The following ATN1 variants were observed in gnomAD, a reference collection of about 807,000 sequenced individuals.
ATN1 encodes the protein atrophin-1.
Under a neutral mutation model 85.8 loss-of-function variants are expected in ATN1, and 19 were observed. That is an observed-to-expected ratio of 0.22 (90% CI 0.15 to 0.32). The LOEUF (loss-of-function observed/expected upper bound fraction) is 0.32. Among genes scored for constraint, ATN1 ranks in the 10% least tolerant of loss-of-function variants. The pLI, the probability that ATN1 is intolerant of heterozygous loss-of-function variation, is 1.00. For missense variants in ATN1, 1,453 were observed against 1,564.5 expected (o/e 0.93, Z 1.20); for synonymous variants, 674 against 657.0 (o/e 1.03, Z -0.39).
Position 6,937,361 on chromosome 12 carries a change from A to C in ATN1, c.2094A>C (p.Pro698=). Reference sequence around the variant, plus strand: ...CCACCGTGGGACCTGGGCCCCTGCCACCTGCGGGGCCCTCAGGCCTGCCAT... The same window carrying C: ...CCACCGTGGGACCTGGGCCCCTGCCCCCTGCGGGGCCCTCAGGCCTGCCAT... ...GSPTVGPGPL[P]PAGPSGLPSL... is the part of the protein sequence containing the mutation. Residue 698 remains proline (P), a synonymous_variant, in exon 5 of 10, where the codon CCA becomes CCC. Coordinates refer to ENST00000396684, the MANE Select transcript of ATN1 (RefSeq NM_001940.4). This position sits in a 1 kb window ranked among gnomAD's most constrained non-coding sequence, Gnocchi z 6.0. The C allele has an allele frequency of 6.4e-7, 1 of 1,551,194 alleles. No individual in the cohort carries two copies. The highest frequency in any genetic ancestry group is 1.4e-5 in the African/African-American group (1 of 73,070).
Position 6,934,509 on chromosome 12 carries a change from G to A in ATN1, c.210G>A (p.Gln70=). ...CCTCCACCCCAAAGGTCAACAAGCA[G>A]GGTCGGAGTGAGGAGATCTCAGAGA... ...EEASTPKVNK[Q]GRSEEISESE... Residue 70 remains glutamine (Q), a synonymous_variant, in exon 4 of 10, where the codon CAG becomes CAA. Coordinates refer to ENST00000396684, the MANE Select transcript of ATN1 (RefSeq NM_001940.4). This position sits in a 1 kb window ranked among gnomAD's most constrained non-coding sequence, Gnocchi z 4.5. The A allele has an allele frequency of 6.3e-7, 1 of 1,588,858 alleles. No individual in the cohort carries two copies. The highest frequency in any genetic ancestry group is 8.6e-7 in the Non-Finnish European group (1 of 1,167,046).
chr12:6,926,432 C>T (rs1263649765), upstream of ATN1, among the ~76,000 whole-genome samples: 1 of 152,054 alleles, frequency 6.6e-6, no homozygotes, highest in African/African-American at 2.4e-5. Flanking sequence ...CCCCCGCTCC[C>T]ACATCTGTCA....
chr12:6,938,864 C>A lies in ATN1; in HGVS notation c.2901C>A (p.Gly967=), dbSNP rs1555144285. 1 of 1,614,144 alleles carries A rather than the reference C, an allele frequency of 6.2e-7. No homozygotes were observed. Among genetic ancestry groups the A allele is most frequent in the Non-Finnish European group, 8.5e-7 (1 of 1,180,020 alleles). ...CCCTACATGGGGTCCCTGGGCCGGG[C>A]TTGGATCCCTTTCCCCGACATGGGG... The part of the protein sequence containing the change: ...LEPLHGVPGP[G]LDPFPRHGGL... The change falls in exon 7 of 10, where the codon GGC becomes GGA. Residue 967 remains glycine, a synonymous_variant. Transcript: ENST00000396684.
chr12:6,927,566 T>G (rs1333377900), upstream of ATN1, among the ~76,000 whole-genome samples: 2 of 143,654 alleles, frequency 1.4e-5, no homozygotes, highest in Non-Finnish European at 3.0e-5. Flanking sequence ...CTCCCCACAT[T>G]CCGCCACGGC....
At position 6,933,947 on chromosome 12, in the gene ATN1, G is replaced by GT. The variant is rs1945497085; in HGVS notation, c.-52dup. ...GGGGAACTTGGGGTGGAGCAGAGAA[G>GT]TTTCTGTATTCAGCTGCCCAGGCAG... On this transcript the variant is annotated 5_prime_UTR_variant, in exon 2 of 10. Coordinates refer to ENST00000396684, the MANE Select transcript of ATN1 (RefSeq NM_001940.4). The GT allele has an allele frequency of 2.0e-5, 31 of 1,574,358 alleles. No individual in the cohort carries two copies. In the South Asian group the frequency reaches 3.6e-4, roughly 18 times the overall value.
intron 1 of ATN1, among the ~76,000 whole-genome samples, chr12:6,930,601 C>T (rs1335916590): frequency 6.6e-6 from 1 of 152,112 alleles, no homozygotes; most frequent in Non-Finnish European, 1.5e-5. Flanking sequence ...TGAGACCATC[C>T]TGGCTAACAC....
Position 6,936,005 on chromosome 12 carries a change from C to T in ATN1, c.738C>T (p.Gly246=). The part of the protein sequence containing the change: ...KGGGAASSVG[G]PNGGKQHPPP... Reference sequence around the variant, plus strand: ...GAGGGGCTGCCTCATCAGTGGGGGGCCCTAATGGGGGTAAGCAGCACCCCC... The same window carrying T: ...GAGGGGCTGCCTCATCAGTGGGGGGTCCTAATGGGGGTAAGCAGCACCCCC... Residue 246 remains glycine, a synonymous_variant, in exon 5 of 10, where the codon GGC becomes GGT. Transcript: ENST00000396684. 1 of 1,587,868 alleles carries T rather than the reference C, an allele frequency of 6.3e-7. No homozygotes were observed. Among genetic ancestry groups the T allele is most frequent in the Non-Finnish European group, 8.6e-7 (1 of 1,167,000 alleles).
In ATN1 at chr12:6,936,877, G is replaced by T. The variant is rs781792423; in HGVS notation, c.1610G>T (p.Gly537Val). Reference protein sequence around the residue: ...AHPYAMSPSLGSLRPYPPGPA... With the variant: ...AHPYAMSPSLVSLRPYPPGPA... ...CCTTACGCCATGTCTCCCTCCCTGG[G>T]GTCTCTGAGGCCCTACCCACCAGGG... Residue 537 changes from glycine (G) to valine (V), a missense_variant, in exon 5 of 10, where the codon GGG becomes GTG. Physicochemically the swap from Gly to Val is moderately radical, Grantham distance 109. Around this residue, in one of 6 missense-constraint regions of ATN1, gnomAD observed 990 missense variants for 914.8 expected, o/e 1.08. Transcript: ENST00000396684. 1 of 1,613,956 alleles carries T rather than the reference G, an allele frequency of 6.2e-7. No individual in the cohort carries two copies. Among genetic ancestry groups the T allele is most frequent in the South Asian group, 1.1e-5 (1 of 91,070 alleles).
rs782012406 is a variant in ATN1 at position 6,941,048 on chromosome 12, A to G, written c.3358+25A>G. ...GGTAAGGATGGAAGTTGGGGTAGGC[A>G]GCTCCAATGAGAAAAGGGCAGAAAG... On this transcript the variant is annotated intron_variant, in intron 8 of 9. Coordinates refer to ENST00000396684, the MANE Select transcript of ATN1 (RefSeq NM_001940.4). This position sits in a 1 kb window ranked among gnomAD's most constrained non-coding sequence, Gnocchi z 5.9. 1.9e-6 allele frequency: 3 copies of G among 1,612,812 alleles called. No individual in the cohort carries two copies. Among genetic ancestry groups the G allele is most frequent in the Non-Finnish European group, 8.5e-7 (1 of 1,179,160 alleles).
At position 6,941,339 on chromosome 12, in the gene ATN1, G is replaced by A. The variant is rs782587260; in HGVS notation, c.3359-35G>A. On this transcript the variant is annotated intron_variant, in intron 8 of 9. Coordinates refer to ENST00000396684, the MANE Select transcript of ATN1 (RefSeq NM_001940.4). This position sits in a 1 kb window ranked among gnomAD's most constrained non-coding sequence, Gnocchi z 5.9. Reference sequence around the variant, plus strand: ...GGTCCAGAGCAGGTACTTGTTATCCGTTGGTCATATGCCCCTTGCCCTTCC... The same window carrying A: ...GGTCCAGAGCAGGTACTTGTTATCCATTGGTCATATGCCCCTTGCCCTTCC... 2.5e-5 allele frequency: 39 copies of A among 1,557,024 alleles called. No homozygotes were observed. The highest frequency in any genetic ancestry group is 1.4e-4 in the African/African-American group (10 of 72,534).
At position 6,937,068 on chromosome 12, in the gene ATN1, T is replaced by C; in HGVS notation, c.1801T>C (p.Phe601Leu). 6.2e-7 allele frequency: 1 copy of C among 1,613,446 alleles called. No individual in the cohort carries two copies. Among genetic ancestry groups the C allele is most frequent in the Non-Finnish European group, 8.5e-7 (1 of 1,179,972 alleles). ...SQGPQGAPYP[F>L]PPVPTVTTSS... ...GGGCCCTCAAGGGGCGCCCTACCCT[T>C]TCCCACCGGTGCCTACGGTCACCAC... The change falls in exon 5 of 10, where the codon TTC becomes CTC. Residue 601 changes from phenylalanine to leucine, a missense_variant. Physicochemically the swap from Phe to Leu is conservative, Grantham distance 22. This residue lies in a region of ATN1 where 990 missense variants were observed against 914.8 expected (regional missense o/e 1.08). Coordinates refer to ENST00000396684, the MANE Select transcript of ATN1 (RefSeq NM_001940.4). This position sits in a 1 kb window ranked among gnomAD's most constrained non-coding sequence, Gnocchi z 6.0.
Position 6,936,826 on chromosome 12 carries a change from A to C in ATN1, c.1559A>C (p.Glu520Ala). The C allele has an allele frequency of 6.2e-7, 1 of 1,613,630 alleles. No homozygotes were observed. Among genetic ancestry groups the C allele is most frequent in the African/African-American group, 1.3e-5 (1 of 74,862 alleles). Residue 520 changes from glutamate (E) to alanine (A), a missense_variant, in exon 5 of 10, where the codon GAG becomes GCG. Glu to Ala is a moderately radical substitution (Grantham distance 107). Transcript: ENST00000396684. ...CCTGGAGCATTTCCCCACCCACTGG[A>C]GGGCGGTAGCTCCCACCACGCACAC... ...PPPGAFPHPL[E>A]GGSSHHAHPY... is the part of the protein sequence containing the mutation.
At position 6,928,119 on chromosome 12, in the gene ATN1, G is replaced by A. The variant is rs1183739806; in HGVS notation, c.-428G>A. Among the ~76,000 whole-genome samples the A allele has an allele frequency of 2.7e-5, 4 of 146,118 alleles. No homozygotes were observed. In the South Asian group the frequency reaches 8.4e-4, roughly 31 times the overall value. On this transcript the variant is annotated 5_prime_UTR_variant, in exon 1 of 10. Coordinates refer to ENST00000396684, the MANE Select transcript of ATN1 (RefSeq NM_001940.4). ...GGCCCGGGGCATTCCGGGCGGCCAG[G>A]GGGAGGCGGCGAGCCCGGGGAGGTG... is the stretch of plus-strand genomic sequence containing the variant.
At position 6,941,047 on chromosome 12, in the gene ATN1, C is replaced by T. The variant is rs1591667968; in HGVS notation, c.3358+24C>T. The stretch of plus-strand genomic sequence containing the variant: ...TGGTAAGGATGGAAGTTGGGGTAGG[C>T]AGCTCCAATGAGAAAAGGGCAGAAA... On this transcript the variant is annotated intron_variant, in intron 8 of 9. Transcript: ENST00000396684. The surrounding 1 kb of genome is among the most constrained non-coding windows in gnomAD (Gnocchi z 5.9). The T allele has an allele frequency of 9.3e-6, 15 of 1,613,058 alleles. No individual in the cohort carries two copies. In the East Asian group the frequency reaches 3.1e-4, roughly 34 times the overall value.
chr12:6,925,117 CGTGT>C (rs376981297), upstream of ATN1, among the ~76,000 whole-genome samples: 21 of 143,814 alleles, frequency 1.5e-4, no homozygotes, highest in Admixed American at 2.7e-4. Flanking sequence ...TGTGCGTGTG[CGTGT>C]GTGTGTGTGT....
Position 6,941,353 on chromosome 12 carries a change from C to G in ATN1, c.3359-21C>G. The G allele has an allele frequency of 6.3e-7, 1 of 1,581,210 alleles. No homozygotes were observed. The highest frequency in any genetic ancestry group is 8.6e-7 in the Non-Finnish European group (1 of 1,163,790). ...ACTTGTTATCCGTTGGTCATATGCC[C>G]CTTGCCCTTCCTGCTCACAGCTGCC... On this transcript the variant is annotated intron_variant, in intron 8 of 9. Coordinates refer to ENST00000396684, the MANE Select transcript of ATN1 (RefSeq NM_001940.4). The surrounding 1 kb of genome is among the most constrained non-coding windows in gnomAD (Gnocchi z 5.9).
rs1555143881 is a variant in ATN1 at position 6,937,077 on chromosome 12, G to A, written c.1810G>A (p.Val604Met). 4 of 1,613,132 alleles carry A rather than the reference G, an allele frequency of 2.5e-6. No homozygotes were observed. The highest frequency in any genetic ancestry group is 1.3e-5 in the African/African-American group (1 of 74,982). The stretch of plus-strand genomic sequence containing the variant: ...AGGGGCGCCCTACCCTTTCCCACCG[G>A]TGCCTACGGTCACCACCTCTTCGGC... Reference protein sequence around the residue: ...PQGAPYPFPPVPTVTTSSATL... With the variant: ...PQGAPYPFPPMPTVTTSSATL... Residue 604 changes from valine (V) to methionine (M), a missense_variant, in exon 5 of 10, where the codon GTG becomes ATG. By Grantham distance (21) the Val-to-Met change is conservative. Transcript: ENST00000396684. The surrounding 1 kb of genome is among the most constrained non-coding windows in gnomAD (Gnocchi z 6.0).
intron 7 of ATN1, among the ~76,000 whole-genome samples, chr12:6,940,531 G>C (rs1945620502): frequency 6.6e-6 from 1 of 152,188 alleles, no homozygotes; most frequent in South Asian, 2.1e-4. Context: ...GCCTCCCAAA[G>C]TGCTGAGATT....
In ATN1 at chr12:6,934,195, G is replaced by A. The variant is rs782633889; in HGVS notation, c.47G>A (p.Arg16Gln). The A allele has an allele frequency of 3.7e-6, 6 of 1,605,564 alleles. No homozygotes were observed. The highest frequency in any genetic ancestry group is 1.4e-5 in the African/African-American group (1 of 74,044). ...CTGTAGATGTCAATGAGGAGTGGACGGAAGAAAGAGGCCCCTGGGCCCCGG... is the reference window on the plus strand; with the variant it reads ...CTGTAGATGTCAATGAGGAGTGGACAGAAGAAAGAGGCCCCTGGGCCCCGG... ...NKDSMSMRSGRKKEAPGPREE... is the reference protein window; with the variant it reads ...NKDSMSMRSGQKKEAPGPREE... Residue 16 changes from arginine to glutamine, a missense_variant, in exon 3 of 10, where the codon CGG (arginine) becomes CAG (glutamine). By Grantham distance (43) the Arg-to-Gln change is conservative. This residue lies in a region of ATN1 where 130 missense variants were observed against 158.2 expected (regional missense o/e 0.82). Transcript: ENST00000396684. The surrounding 1 kb of genome is among the most constrained non-coding windows in gnomAD (Gnocchi z 4.5).
Sources: gnomAD v4.1 joint callset for allele counts (sites outside exome capture counted in the v4.1 genomes callset) on GRCh38, gnomAD v4.1.1 for gene constraint, gnomAD v4.1.1 regional missense constraint, Gnocchi (gnomAD v3.1) non-coding constraint, MANE v1.5 for transcripts, NCBI Gene and HGNC (gene_info 2026-07-23, HGNC 2026-07-21) for gene names.